The following ADGRD1 variants were observed in gnomAD, a reference collection of about 807,000 sequenced individuals.
The protein encoded by ADGRD1 is adhesion G protein-coupled receptor D1.
In ADGRD1, 77 loss-of-function variants were observed where a neutral mutation model predicts 113.4. The ratio of observed to expected loss-of-function variants is 0.68; its 90% confidence interval spans 0.57 to 0.82. ADGRD1 has a LOEUF of 0.82. Among genes scored for constraint, ADGRD1 ranks in the 40% least tolerant of loss-of-function variants. ADGRD1 has a pLI of 0.00. For synonymous variants in ADGRD1, 474 were observed against 475.0 expected (o/e 1.00, Z 0.03); for missense variants, 1,036 against 1,139.1 (o/e 0.91, Z 1.30).
chr12:131,082,759 G>C (rs756570741), intron 14 of ADGRD1, among the ~76,000 whole-genome samples: 1 of 152,184 alleles, frequency 6.6e-6, no homozygotes, highest in East Asian at 1.9e-4. Flanking sequence ...CATCAATTCT[G>C]AAGTTATTAA....
intron 2 of ADGRD1, among the ~76,000 whole-genome samples, chr12:130,961,024 C>T (rs371555562): frequency 1.9e-4 from 29 of 152,284 alleles, no homozygotes; most frequent in East Asian, 5.8e-4. Flanking sequence ...GATGGAGCCA[C>T]GAAGCCAGCC....
chr12:130,997,301 G>T (rs1372581082), intron 8 of ADGRD1, among the ~76,000 whole-genome samples: 1 of 150,910 alleles, frequency 6.6e-6, no homozygotes, highest in African/African-American at 2.4e-5. Context: ...GGCCTGGCGG[G>T]GGCTGACCCC....
At chr12:131,020,492 G>C (rs557536612) in intron 13 of ADGRD1, among the ~76,000 whole-genome samples, 1 of 152,254 alleles carries the variant, frequency 6.6e-6, no homozygotes, top group Non-Finnish European at 1.5e-5. Flanking sequence ...CTCACACGCA[G>C]TGGGGCACTG....
At chr12:130,960,726 G>A (rs2136477224) in intron 2 of ADGRD1, among the ~76,000 whole-genome samples, 1 of 152,056 alleles carries the variant, frequency 6.6e-6, no homozygotes, top group East Asian at 1.9e-4. Context: ...AGGATACAAT[G>A]TAAATAGAAC....
intron 15 of ADGRD1, among the ~76,000 whole-genome samples, chr12:131,087,496 C>T (rs1373305672): frequency 6.6e-6 from 1 of 152,226 alleles, no homozygotes; most frequent in Admixed American, 6.5e-5. Flanking sequence ...ACTGCCAAGC[C>T]CTTGCGTGCC....
chr12:131,084,780 G>T lies in ADGRD1; in HGVS notation c.1671+117G>T. ...ACGGGCCCTGGGCACATTACTCCAT[G>T]GGGCCTGTGTTTACAGACGGAATCC... On this transcript the variant is annotated intron_variant, in intron 15 of 24. Transcript: ENST00000261654. The surrounding 1 kb of genome is among the most constrained non-coding windows in gnomAD (Gnocchi z 4.5). The T allele has an allele frequency of 1.8e-6, 2 of 1,096,782 alleles. No individual in the cohort carries two copies. Among genetic ancestry groups the T allele is most frequent in the Non-Finnish European group, 2.7e-6 (2 of 751,002 alleles). 67.9% of individuals were successfully genotyped at this position (1,096,782 alleles called of 1,614,324 possible).
intron 13 of ADGRD1, chr12:131,025,876 C>T (rs1313210512): frequency 1.3e-5 from 2 of 152,264 alleles, no homozygotes; most frequent in African/African-American, 4.8e-5. Flanking sequence ...GGTGCAAGCT[C>T]CCCAGGGTGT....
At chr12:131,024,652 G>A (rs1174548605) in intron 13 of ADGRD1, 1 of 152,260 alleles carries the variant, frequency 6.6e-6, no homozygotes, top group Non-Finnish European at 1.5e-5. Flanking sequence ...CATACAGCCA[G>A]GTGTGTGGTG....
At chr12:131,095,740 A>AT (rs1434221564) in intron 15 of ADGRD1, among the ~76,000 whole-genome samples, 1 of 152,030 alleles carries the variant, frequency 6.6e-6, no homozygotes, top group Non-Finnish European at 1.5e-5. Context: ...GTCAACACGT[A>AT]TTTTTTGTCA....
chr12:131,111,014 T>C (rs1950333926), intron 18 of ADGRD1, among the ~76,000 whole-genome samples: 1 of 152,250 alleles, frequency 6.6e-6, no homozygotes, highest in Non-Finnish European at 1.5e-5. Flanking sequence ...AGAATTGTTT[T>C]TCTGTTGATT....
intron 2 of ADGRD1, among the ~76,000 whole-genome samples, chr12:130,955,402 T>G (rs1869436236): frequency 6.6e-6 from 1 of 152,106 alleles, no homozygotes; most frequent in Non-Finnish European, 1.5e-5. Context: ...AGGGCCACCC[T>G]TGCTCCAGCC....
intron 13 of ADGRD1, among the ~76,000 whole-genome samples, chr12:131,076,045 G>C (rs565701159): frequency 2.0e-5 from 3 of 152,292 alleles, no homozygotes; most frequent in East Asian, 1.9e-4. Context: ...ATTTAGGGTA[G>C]AGCATAGCTG....
chr12:130,969,316 G>A (rs978447851), intron 3 of ADGRD1: 8 of 466,836 alleles, frequency 1.7e-5, no homozygotes, highest in African/African-American at 2.0e-5. Flanking sequence ...GCAGCAATCC[G>A]TAGCCTGTTA....
chr12:130,966,375 C>A lies in ADGRD1; in HGVS notation c.104-88C>A. On this transcript the variant is annotated intron_variant, in intron 2 of 24. Coordinates refer to ENST00000261654, the MANE Select transcript of ADGRD1 (RefSeq NM_198827.5). The surrounding 1 kb of genome is among the most constrained non-coding windows in gnomAD (Gnocchi z 4.6). ...CAGACATGGGATCCTTTTACTCTTC[C>A]CCCATAATGTGTGTGCTAAGCGGTT... 1.3e-6 allele frequency: 1 copy of A among 783,080 alleles called. No homozygotes were observed. Among genetic ancestry groups the A allele is most frequent in the Non-Finnish European group, 2.3e-6 (1 of 440,132 alleles). The allele number at this position is 783,080 out of a possible 1,614,324, so 48.5% of individuals were successfully genotyped here.
chr12:131,000,571 T>C, intron 9 of ADGRD1, 129 bp downstream of exon 9: 1 of 638,376 alleles, frequency 1.6e-6, no homozygotes, highest in Non-Finnish European at 2.8e-6. Context: ...CAAAACCCCA[T>C]CTCTACTAAA....
At chr12:131,054,146 G>C (rs1883646293) in intron 13 of ADGRD1, among the ~76,000 whole-genome samples, 1 of 152,136 alleles carries the variant, frequency 6.6e-6, no homozygotes, top group Non-Finnish European at 1.5e-5. Flanking sequence ...GGTGTAACTG[G>C]CAAAAAAATA....
intron 13 of ADGRD1, among the ~76,000 whole-genome samples, chr12:131,020,443 C>G (rs1263509513): frequency 6.6e-6 from 1 of 152,250 alleles, no homozygotes; most frequent in African/African-American, 2.4e-5. Context: ...CTAATAGCAC[C>G]CCAGGGCTGA....
At chr12:131,033,616 C>T (rs1378987973) in intron 13 of ADGRD1, among the ~76,000 whole-genome samples, 1 of 152,182 alleles carries the variant, frequency 6.6e-6, no homozygotes, top group Non-Finnish European at 1.5e-5. Context: ...CTTGCCTTGG[C>T]TGACAGGCCT....
intron 15 of ADGRD1, among the ~76,000 whole-genome samples, chr12:131,085,495 T>C (rs1477159904): frequency 6.6e-6 from 1 of 152,008 alleles, no homozygotes; most frequent in African/African-American, 2.4e-5. Flanking sequence ...TCTAGATGCA[T>C]ACGAAGCCTT....
Sources: allele counts gnomAD v4.1 joint callset (sites outside exome capture counted in the v4.1 genomes callset), GRCh38; gene constraint gnomAD v4.1.1; non-coding constraint Gnocchi (gnomAD v3.1); transcripts MANE v1.5; gene names NCBI Gene and HGNC (gene_info 2026-07-23, HGNC 2026-07-21).